ELF1: variants seen among roughly 807,000 people sequenced by gnomAD.
ELF1 encodes the protein E74 like ETS transcription factor 1, also known as ETS-related transcription factor Elf-1.
A neutral mutation model predicts 59.9 loss-of-function variants in ELF1; 24 were observed. The observed-to-expected ratio is 0.40, with a 90% CI of 0.29 to 0.56. ELF1 has a LOEUF of 0.56. Among genes scored for constraint, ELF1 ranks in the 20% least tolerant of loss-of-function variants. The pLI is 0.44. For synonymous variants in ELF1, 248 were observed against 266.2 expected (o/e 0.93, Z 0.67); for missense variants, 627 against 742.2 (o/e 0.84, Z 1.80).
intron 1 of ELF1, among the ~76,000 whole-genome samples, chr13:41,040,768 C>T (rs745778883): frequency 3.9e-5 from 6 of 152,166 alleles, no homozygotes; most frequent in Non-Finnish European, 8.8e-5. Flanking sequence ...CGGATGGGTA[C>T]AAGTCTGCAG....
intron 1 of ELF1, among the ~76,000 whole-genome samples, chr13:41,008,068 G>A (rs1170233529): frequency 6.6e-6 from 1 of 152,154 alleles, no homozygotes; most frequent in African/African-American, 2.4e-5. Flanking sequence ...CTTTGAAGAA[G>A]AGTAAAAACT....
intron 2 of ELF1, among the ~76,000 whole-genome samples, chr13:40,972,355 A>C (rs537976938): frequency 3.9e-5 from 6 of 152,368 alleles, no homozygotes; most frequent in Admixed American, 3.9e-4. Flanking sequence ...CCCTTACGGC[A>C]TAAGTCCACC....
chr13:41,017,807 T>C (rs1010903463), intron 1 of ELF1, among the ~76,000 whole-genome samples: 12 of 151,196 alleles, frequency 7.9e-5, no homozygotes. Context: ...AAAAAAAAAA[T>C]AGAAAAGTCT....
chr13:41,052,297 G>A (rs1877120570), intron 1 of ELF1, among the ~76,000 whole-genome samples: 5 of 152,036 alleles, frequency 3.3e-5, no homozygotes, highest in African/African-American at 1.2e-4. Flanking sequence ...AATGAACTCA[G>A]GAGTGAACAC....
At chr13:40,996,792 T>A (rs951024860) in intron 1 of ELF1, among the ~76,000 whole-genome samples, 7 of 151,806 alleles carry the variant, frequency 4.6e-5, no homozygotes, top group African/African-American at 1.5e-4. Context: ...TTTTTTTTTT[T>A]AAACTATAGC....
intron 2 of ELF1, among the ~76,000 whole-genome samples, chr13:40,972,617 G>A (rs888800108): frequency 4.6e-5 from 7 of 152,150 alleles, no homozygotes; most frequent in Non-Finnish European, 8.8e-5. Context: ...TTAATATGAG[G>A]ACTGTTCCAT....
At chr13:41,030,481 A>G (rs1430249320) in intron 1 of ELF1, among the ~76,000 whole-genome samples, 2 of 152,164 alleles carry the variant, frequency 1.3e-5, no homozygotes, top group African/African-American at 4.8e-5. Flanking sequence ...GGTGGCTCAC[A>G]TCTGTAAACT....
At chr13:40,937,820 T>G (rs565162710) in intron 8 of ELF1, among the ~76,000 whole-genome samples, 3 of 151,496 alleles carry the variant, frequency 2.0e-5, no homozygotes, top group Non-Finnish European at 4.4e-5. Flanking sequence ...CAGGTTTGTT[T>G]ATTTATTTAC....
In ELF1 at chr13:41,005,051, T is replaced by A. The variant is rs754641556; in HGVS notation, c.-229+14177A>T. 5.4e-4 allele frequency among the ~76,000 whole-genome samples: 82 copies of A among 152,192 alleles called. 3 individuals are homozygous for A. The highest frequency in any genetic ancestry group is 2.1e-4 in the Non-Finnish European group (14 of 68,014). ...CTGACAGGAAGCACAGAGTAAGATA[T>A]GGCACACAAATGTCAAGTATTTCCT... On this transcript the variant is annotated intron_variant, in intron 1 of 8. Coordinates refer to ENST00000239882, the MANE Select transcript of ELF1 (RefSeq NM_172373.4).
intron 1 of ELF1, chr13:40,993,043 A>G: frequency 1.3e-6 from 2 of 1,598,170 alleles, no homozygotes; most frequent in Non-Finnish European, 1.7e-6. Flanking sequence ...AACTCTCTGA[A>G]AAGGTTTCTT....
chr13:40,990,142 T>C (rs1286706138), intron 1 of ELF1, among the ~76,000 whole-genome samples: 1 of 152,194 alleles, frequency 6.6e-6, no homozygotes, highest in African/African-American at 2.4e-5. Context: ...AAGAAACATA[T>C]TTATGACAAA....
chr13:40,959,041 A>G, intron 2 of ELF1, 25 bp from the exon 3 acceptor site: 1 of 1,570,070 alleles, frequency 6.4e-7, no homozygotes, highest in Non-Finnish European at 8.6e-7. Flanking sequence ...GGAGAGGAAA[A>G]TGAAAACAAA....
upstream of ELF1, among the ~76,000 whole-genome samples, chr13:41,021,072 T>TA (rs1286544295): frequency 6.6e-6 from 1 of 152,184 alleles, no homozygotes; most frequent in Non-Finnish European, 1.5e-5. Flanking sequence ...CTAAGTATAT[T>TA]ACCATACACT....
intron 1 of ELF1, among the ~76,000 whole-genome samples, chr13:40,989,867 T>C (rs564669232): frequency 2.6e-5 from 4 of 152,292 alleles, no homozygotes; most frequent in South Asian, 2.1e-4. Flanking sequence ...AAGCTTAAAT[T>C]GGAGGAAACA....
chr13:41,016,277 G>A (rs1284340221), intron 1 of ELF1, among the ~76,000 whole-genome samples: 2 of 152,112 alleles, frequency 1.3e-5, no homozygotes, highest in South Asian at 2.1e-4. Flanking sequence ...TTGAGTTAGG[G>A]CACTCAGAAA....
Position 41,060,938 on chromosome 13 carries a change from CGCCGCCGCT to C in ELF1, c.-338_-330del, listed in dbSNP as rs1402129911. The C allele has an allele frequency of 1.4e-3, 466 of 344,048 alleles. 7 individuals carry two copies. The highest frequency in any genetic ancestry group is 2.4e-3 in the Admixed American group (69 of 28,644). The allele number at this position is 344,048 out of a possible 1,614,324, so 21.3% of individuals were successfully genotyped here. ...CTGCCGCCGCCGCCGCCGCCGCCGC[CGCCGCCGCT>C]GCTGCTGCCCACACGCTCCCGAGCT... is the stretch of plus-strand genomic sequence containing the variant. On this transcript the variant is annotated 5_prime_UTR_variant, in exon 1 of 2. Transcript: ENST00000405737.
rs1331791614 is a variant in ELF1 at position 40,981,884 on chromosome 13, A to G, written c.72+99T>C. 8 of 1,348,072 alleles carry G rather than the reference A, an allele frequency of 5.9e-6. No homozygotes were observed. In the East Asian group the frequency reaches 1.3e-4, roughly 22 times the overall value. The allele number at this position is 1,348,072 out of a possible 1,614,324, so 83.5% of individuals were successfully genotyped here. ...TCATCTATAAATTTTTACTTTCAAT[A>G]AAGTTTCTCTCATTGTCTTTTAAAG... On this transcript the variant is annotated intron_variant, in intron 2 of 8. Transcript: ENST00000239882.
intron 1 of ELF1, among the ~76,000 whole-genome samples, chr13:41,016,914 CAAAAAAAAAAAAAAAAAAA>C (rs1164306892): frequency 2.3e-4 from 3 of 12,906 alleles, no homozygotes; most frequent in Non-Finnish European, 4.3e-4. Flanking sequence ...AACTCCGTCT[CAAAAAAAAAAAAAAAAAAA>C]AAAAAAAAAA....
intron 1 of ELF1, among the ~76,000 whole-genome samples, chr13:41,047,690 C>T (rs2138429697): frequency 6.6e-6 from 1 of 152,344 alleles, no homozygotes; most frequent in Non-Finnish European, 1.5e-5. Flanking sequence ...TCTGCCCCTA[C>T]TAGGGGTGCC....
Sources: gnomAD v4.1 joint callset for allele counts (sites outside exome capture counted in the v4.1 genomes callset) on GRCh38, gnomAD v4.1.1 for gene constraint, MANE v1.5 for transcripts, NCBI Gene and HGNC (gene_info 2026-07-23, HGNC 2026-07-21) for gene names.